The following AGPAT1 variants were observed in gnomAD, a reference collection of about 807,000 sequenced individuals.
AGPAT1 encodes 1-acyl-sn-glycerol-3-phosphate acyltransferase alpha.
AGPAT1 carries 6 observed loss-of-function variants against 31.2 expected under a neutral mutation model. The observed-to-expected ratio is 0.19, with a 90% CI of 0.11 to 0.38. The LOEUF is 0.38. Ranked by LOEUF, AGPAT1 falls within the 10% of genes least tolerant of loss-of-function variation. The pLI, the probability that AGPAT1 is intolerant of heterozygous loss-of-function variation, is 1.00. For missense variants in AGPAT1, 187 were observed against 377.8 expected, an observed-to-expected ratio of 0.49 and a Z score of 4.19; for synonymous variants, 139 against 154.0, an observed-to-expected ratio of 0.90 and a Z score of 0.72.
Position 32,175,599 on chromosome 6 carries a change from T to A in AGPAT1, c.-10+215A>T, listed in dbSNP as rs1158174204. ...TCCCAGTCCCAAATTCACAAGGGTT[T>A]CCATTTCTCCTCCCTCCCAGGTCTC... is the stretch of plus-strand genomic sequence containing the variant. On this transcript the variant is annotated intron_variant, in intron 1 of 6. Transcript: ENST00000375107. This position sits in a 1 kb window ranked among gnomAD's most constrained non-coding sequence, Gnocchi z 4.5. Among the ~76,000 whole-genome samples, 2 of 152,002 alleles carry A rather than the reference T, an allele frequency of 1.3e-5. No individual in the cohort carries two copies. The highest frequency in any genetic ancestry group is 2.9e-5 in the Non-Finnish European group (2 of 67,980).
Position 32,173,664 on chromosome 6 carries a change from A to G in AGPAT1, c.-10+2150T>C, listed in dbSNP as rs756884737. ...AGTTCCTCAGACACCATGATCTTTC[A>G]TGCTTCCCCACCTTGAACATGCTGT... On this transcript the variant is annotated intron_variant, in intron 1 of 6. Transcript: ENST00000375107. The surrounding 1 kb of genome is among the most constrained non-coding windows in gnomAD (Gnocchi z 4.7). Among the ~76,000 whole-genome samples the G allele has an allele frequency of 1.3e-5, 2 of 152,128 alleles. No individual in the cohort carries two copies. The highest frequency in any genetic ancestry group is 2.9e-5 in the Non-Finnish European group (2 of 68,034).
Position 32,171,662 on chromosome 6 carries a change from C to T in AGPAT1, c.-9-157G>A, listed in dbSNP as rs974428203. The stretch of plus-strand genomic sequence containing the variant: ...TCATTGAAACCTTCCCAGGAAGGCT[C>T]TCTAGGATGAGGGTGGTGGAGAAAG... On this transcript the variant is annotated intron_variant, in intron 1 of 6. Coordinates refer to ENST00000375107, the MANE Select transcript of AGPAT1 (RefSeq NM_006411.4). This position sits in a 1 kb window ranked among gnomAD's most constrained non-coding sequence, Gnocchi z 6.9. 6.8e-5 allele frequency: 67 copies of T among 985,702 alleles called. 2 individuals carry two copies. The Admixed American group carries it at 1.6e-3, about 24-fold the overall frequency. 61.1% of individuals were successfully genotyped at this position (985,702 alleles called of 1,614,324 possible).
In AGPAT1 at chr6:32,170,714, C is replaced by T. The variant is rs1582661676; in HGVS notation, c.335-114G>A. The stretch of plus-strand genomic sequence containing the variant: ...TAGGGACTGGAGGTGAAGGAGGAGA[C>T]TAGGCAGGGAGGGGGGCCCCAAGTG... On this transcript the variant is annotated intron_variant, in intron 3 of 6. Transcript: ENST00000375107. The surrounding 1 kb of genome is among the most constrained non-coding windows in gnomAD (Gnocchi z 7.7). The T allele has an allele frequency of 7.1e-7, 1 of 1,415,048 alleles. No homozygotes were observed. Among genetic ancestry groups the T allele is most frequent in the East Asian group, 2.3e-5 (1 of 43,342 alleles). 87.7% of individuals were successfully genotyped at this position (1,415,048 alleles called of 1,614,324 possible). A position where few individuals can be genotyped will look rare whatever the true frequency, so the allele number is the denominator to read the frequency against.
At position 32,171,372 on chromosome 6, in the gene AGPAT1, T is replaced by C; in HGVS notation, c.125A>G (p.Asn42Ser). The change falls in exon 2 of 7, where the codon AAT becomes AGT. Residue 42 changes from asparagine to serine, a missense_variant. Asn to Ser is a conservative substitution (Grantham distance 46). Transcript: ENST00000375107. This position sits in a 1 kb window ranked among gnomAD's most constrained non-coding sequence, Gnocchi z 6.9. ...AKYFFKMAFY[N>S]GWILFLAVLA... ...CACAGCCAGGAAGAGGATCCAGCCA[T>C]TGTAGAAGGCCATCTTGAAGAAGTA... 6.2e-7 allele frequency: 1 copy of C among 1,613,138 alleles called. No homozygotes were observed. The highest frequency in any genetic ancestry group is 8.5e-7 in the Non-Finnish European group (1 of 1,180,038).
At position 32,170,639 on chromosome 6, in the gene AGPAT1, G is replaced by A. The variant is rs1374782711; in HGVS notation, c.335-39C>T. ...GGAGTGGGTGAGGATCGGGGTGGAG[G>A]CAGAGTGTCACAGAAGGCAACCCAC... On this transcript the variant is annotated intron_variant, in intron 3 of 6. Coordinates refer to ENST00000375107, the MANE Select transcript of AGPAT1 (RefSeq NM_006411.4). This position sits in a 1 kb window ranked among gnomAD's most constrained non-coding sequence, Gnocchi z 7.7. The A allele has an allele frequency of 6.2e-7, 1 of 1,601,956 alleles. No homozygotes were observed. Among genetic ancestry groups the A allele is most frequent in the Non-Finnish European group, 8.5e-7 (1 of 1,177,510 alleles).
rs1471750467 is a variant in AGPAT1 at position 32,174,001 on chromosome 6, C to T, written c.-10+1813G>A. Among the ~76,000 whole-genome samples the T allele has an allele frequency of 1.3e-5, 2 of 152,184 alleles. No individual in the cohort carries two copies. The highest frequency in any genetic ancestry group is 1.9e-4 in the East Asian group (1 of 5,200). On this transcript the variant is annotated intron_variant, in intron 1 of 6. Transcript: ENST00000375107. This position sits in a 1 kb window ranked among gnomAD's most constrained non-coding sequence, Gnocchi z 4.5. ...TGTTGGGATTACAGGTGTGAGCCAT[C>T]GTGGCTGGCTAGCAATCTGTATTTC...
chr6:32,170,449 G>A lies in AGPAT1; in HGVS notation c.486C>T (p.Val162=), dbSNP rs141411867. 19 of 1,613,136 alleles carry A rather than the reference G, an allele frequency of 1.2e-5. No individual in the cohort carries two copies. The highest frequency in any genetic ancestry group is 1.5e-5 in the Non-Finnish European group (18 of 1,180,052). Reference sequence around the variant, plus strand: ...CGTCCTGGGTGAGCAGGGTCTGGGCGACCTCAGACATGACACTGATGGCAT... The same window carrying A: ...CGTCCTGGGTGAGCAGGGTCTGGGCAACCTCAGACATGACACTGATGGCAT... The part of the protein sequence containing the change: ...TGDAISVMSE[V]AQTLLTQDVR... The change falls in exon 4 of 7, where the codon GTC becomes GTT. Residue 162 remains valine (V), a synonymous_variant. Coordinates refer to ENST00000375107, the MANE Select transcript of AGPAT1 (RefSeq NM_006411.4). This position sits in a 1 kb window ranked among gnomAD's most constrained non-coding sequence, Gnocchi z 7.7.
upstream of AGPAT1, chr6:32,177,150 C>G: frequency 2.5e-6 from 1 of 398,580 alleles, no homozygotes. Flanking sequence ...GATCTTTTAT[C>G]AAGGTCCCCC....
At position 32,170,018 on chromosome 6, in the gene AGPAT1, G is replaced by C; in HGVS notation, c.627C>G (p.Val209=). The change falls in exon 6 of 7, where the codon GTC becomes GTG. Residue 209 remains valine (V), a synonymous_variant. Transcript: ENST00000375107. The surrounding 1 kb of genome is among the most constrained non-coding windows in gnomAD (Gnocchi z 7.7). ...AGTAGAAGTCTTGGTAGGAGGACATGACTATGGGGACAATGGGAACCTGGG... is the reference window on the plus strand; with the variant it reads ...AGTAGAAGTCTTGGTAGGAGGACATCACTATGGGGACAATGGGAACCTGGG... ...VQAQVPIVPI[V]MSSYQDFYCK... 6.2e-7 allele frequency: 1 copy of C among 1,614,014 alleles called. No homozygotes were observed. The highest frequency in any genetic ancestry group is 1.3e-5 in the African/African-American group (1 of 75,056).
At chr6:32,176,964 T>C, upstream of AGPAT1, 1 of 398,638 alleles carries the variant, frequency 2.5e-6, no homozygotes. Flanking sequence ...CTTCTCTTCC[T>C]CCACTCCCAT....
Position 32,174,332 on chromosome 6 carries a change from A to T in AGPAT1, c.-10+1482T>A, listed in dbSNP as rs1010582104. Among the ~76,000 whole-genome samples the T allele has an allele frequency of 6.6e-6, 1 of 152,228 alleles. No homozygotes were observed. Among genetic ancestry groups the T allele is most frequent in the Non-Finnish European group, 1.5e-5 (1 of 68,034 alleles). ...GTAGAAGTGACTACTAAAAGAAGTC[A>T]CTGAGAAAGTAACGAACACACCAAG... On this transcript the variant is annotated intron_variant, in intron 1 of 6. Coordinates refer to ENST00000375107, the MANE Select transcript of AGPAT1 (RefSeq NM_006411.4). The surrounding 1 kb of genome is among the most constrained non-coding windows in gnomAD (Gnocchi z 4.5).
chr6:32,169,576 T>C lies in AGPAT1; in HGVS notation c.680-128A>G. 2 of 1,202,844 alleles carry C rather than the reference T, an allele frequency of 1.7e-6. No individual in the cohort carries two copies. The highest frequency in any genetic ancestry group is 2.3e-6 in the Non-Finnish European group (2 of 871,310). The allele number at this position is 1,202,844 out of a possible 1,614,324, so 74.5% of individuals were successfully genotyped here. A position where few individuals can be genotyped will look rare whatever the true frequency, so the allele number is the denominator to read the frequency against. Reference sequence around the variant, plus strand: ...TCCCCCAACCCTGGACAACCATCCCTGGGCTTGCCAGCTGCCACTTCTGAG... The same window carrying C: ...TCCCCCAACCCTGGACAACCATCCCCGGGCTTGCCAGCTGCCACTTCTGAG... On this transcript the variant is annotated intron_variant, in intron 6 of 6. Transcript: ENST00000375107. The surrounding 1 kb of genome is among the most constrained non-coding windows in gnomAD (Gnocchi z 5.9).
In AGPAT1 at chr6:32,175,613, C is replaced by G. The variant is rs1785471663; in HGVS notation, c.-10+201G>C. 6.6e-6 allele frequency among the ~76,000 whole-genome samples: 1 copy of G among 152,128 alleles called. No individual in the cohort carries two copies. ...TCACAAGGGTTTCCATTTCTCCTCC[C>G]TCCCAGGTCTCTTCCATCCTTCCTC... On this transcript the variant is annotated intron_variant, in intron 1 of 6. Coordinates refer to ENST00000375107, the MANE Select transcript of AGPAT1 (RefSeq NM_006411.4). The surrounding 1 kb of genome is among the most constrained non-coding windows in gnomAD (Gnocchi z 4.5).
chr6:32,171,326 G>A lies in AGPAT1; in HGVS notation c.171C>T (p.Ala57=), dbSNP rs1785081530. 5 of 1,613,090 alleles carry A rather than the reference G, an allele frequency of 3.1e-6. No individual in the cohort carries two copies. The highest frequency in any genetic ancestry group is 1.3e-5 in the African/African-American group (1 of 75,042). The change falls in exon 2 of 7, where the codon GCC becomes GCT. Residue 57 remains alanine (A), a synonymous_variant. Transcript: ENST00000375107. This position sits in a 1 kb window ranked among gnomAD's most constrained non-coding sequence, Gnocchi z 6.9. ...TGTTCTCGACGTTGCGTCCTCGCAC[G>A]GCACACACAGGGATGGCGAGCACAG... The part of the protein sequence containing the change: ...FLAVLAIPVC[A]VRGRNVENMK...
chr6:32,173,754 GCTGCCTGAACCCCT>G lies in AGPAT1; in HGVS notation c.-10+2046_-10+2059del, dbSNP rs1399383715. 2.6e-5 allele frequency among the ~76,000 whole-genome samples: 4 copies of G among 152,126 alleles called. No individual in the cohort carries two copies. The highest frequency in any genetic ancestry group is 6.5e-5 in the Admixed American group (1 of 15,272). On this transcript the variant is annotated intron_variant, in intron 1 of 6. Coordinates refer to ENST00000375107, the MANE Select transcript of AGPAT1 (RefSeq NM_006411.4). This position sits in a 1 kb window ranked among gnomAD's most constrained non-coding sequence, Gnocchi z 4.7. ...ACAGCTCAGTGTCACCTTTTGGAGG[GCTGCCTGAACCCCT>G]CCAGGCCTGTGCTTTCCTTACACTT...
At chr6:32,177,747 T>C (rs1785706615), upstream of AGPAT1, 1 of 152,228 alleles carries the variant, frequency 6.6e-6, no homozygotes, top group South Asian at 2.1e-4. Flanking sequence ...GTGTTTTCCC[T>C]CTTTTCCTAG....
chr6:32,170,461 G>A lies in AGPAT1; in HGVS notation c.474C>T (p.Val158=). The change falls in exon 4 of 7, where the codon GTC becomes GTT. Residue 158 remains valine (V), a synonymous_variant. Coordinates refer to ENST00000375107, the MANE Select transcript of AGPAT1 (RefSeq NM_006411.4). This position sits in a 1 kb window ranked among gnomAD's most constrained non-coding sequence, Gnocchi z 7.7. ...GCAGGGTCTGGGCGACCTCAGACAT[G>A]ACACTGATGGCATCCCCCGTGCGCT... ...DRKRTGDAIS[V]MSEVAQTLLT... The A allele has an allele frequency of 6.2e-7, 1 of 1,613,178 alleles. No homozygotes were observed. Among genetic ancestry groups the A allele is most frequent in the Non-Finnish European group, 8.5e-7 (1 of 1,180,042 alleles).
chr6:32,176,201 C>T, upstream of AGPAT1: 2 of 950,804 alleles, frequency 2.1e-6, no homozygotes, highest in Non-Finnish European at 2.5e-6. Context: ...GCATCTCCTC[C>T]CCACATCTAC....
upstream of AGPAT1, chr6:32,176,213 A>C: frequency 9.6e-6 from 9 of 933,690 alleles, no homozygotes; most frequent in Non-Finnish European, 1.1e-5. Context: ...CACATCTACC[A>C]GTGTCCTCTT....
Sources: gnomAD v4.1 joint callset for allele counts (sites outside exome capture counted in the v4.1 genomes callset) on GRCh38, gnomAD v4.1.1 for gene constraint, Gnocchi (gnomAD v3.1) non-coding constraint, MANE v1.5 for transcripts, NCBI Gene and HGNC (gene_info 2026-07-23, HGNC 2026-07-21) for gene names.